Variants in FGF12 observed in about 807,000 individuals in gnomAD.
FGF12 encodes the protein fibroblast growth factor 12.
Under a neutral mutation model 23.6 loss-of-function variants are expected in FGF12, and 14 were observed. The observed-to-expected ratio is 0.59, with a 90% CI of 0.39 to 0.93. The LOEUF is 0.93. Ranked by LOEUF, FGF12 falls within the 40% of genes least tolerant of loss-of-function variation. The pLI is 0.00. For missense variants in FGF12, 175 were observed against 217.8 expected, an observed-to-expected ratio of 0.80 and a Z score of 1.24; for synonymous variants, 62 against 77.3, an observed-to-expected ratio of 0.80 and a Z score of 1.04.
At chr3:192,663,183 A>G (rs1716734506) in intron 2 of FGF12, among the ~76,000 whole-genome samples, 1 of 152,234 alleles carries the variant, frequency 6.6e-6, no homozygotes, top group Non-Finnish European at 1.5e-5. Context: ...CGTAGTTACT[A>G]ATACAGTTTT....
intron 4 of FGF12, among the ~76,000 whole-genome samples, chr3:192,329,656 C>T (rs1367590064): frequency 1.3e-5 from 2 of 152,124 alleles, no homozygotes; most frequent in Non-Finnish European, 2.9e-5. Flanking sequence ...ACCGAAATGC[C>T]TTTAAGCACT....
intron 4 of FGF12, among the ~76,000 whole-genome samples, chr3:192,284,868 G>A (rs1714357583): frequency 6.6e-6 from 1 of 152,048 alleles, no homozygotes; most frequent in South Asian, 2.1e-4. Context: ...TTAACTCATT[G>A]GCCCTGGTGT....
intron 4 of FGF12, chr3:192,238,377 A>T (rs1188179868): frequency 1.3e-5 from 2 of 152,568 alleles, no homozygotes; most frequent in Admixed American, 6.6e-5. Context: ...GCAGGGAAAG[A>T]CTATGGGCAG....
At chr3:192,620,496 G>C (rs1445778471) in intron 2 of FGF12, among the ~76,000 whole-genome samples, 2 of 152,108 alleles carry the variant, frequency 1.3e-5, no homozygotes, top group Admixed American at 1.3e-4. Context: ...AAACTATACG[G>C]TAGGAAAAAT....
intron 4 of FGF12, among the ~76,000 whole-genome samples, chr3:192,190,766 C>T (rs1414355176): frequency 3.9e-5 from 6 of 152,056 alleles, no homozygotes; most frequent in Admixed American, 1.3e-4. Flanking sequence ...TGAGCCACCG[C>T]GCCCGGCCCC....
chr3:192,365,273 A>C (rs547935204), intron 2 of FGF12, among the ~76,000 whole-genome samples: 5 of 152,194 alleles, frequency 3.3e-5, no homozygotes, highest in Admixed American at 6.5e-5. Context: ...AAAAAAAAAA[A>C]AAACTATCAA....
intron 2 of FGF12, among the ~76,000 whole-genome samples, chr3:192,444,889 G>T (rs1722305867): frequency 1.3e-5 from 2 of 152,194 alleles, no homozygotes; most frequent in Admixed American, 1.3e-4. Context: ...TCTGTACGGT[G>T]AATCCGTCCT....
chr3:192,608,161 G>T (rs574627347), intron 2 of FGF12, among the ~76,000 whole-genome samples: 1 of 152,112 alleles, frequency 6.6e-6, no homozygotes, highest in Non-Finnish European at 1.5e-5. Context: ...GGTGGTGGGG[G>T]CAGTGGGAAG....
intron 2 of FGF12, among the ~76,000 whole-genome samples, chr3:192,573,652 A>T (rs533014037): frequency 1.4e-4 from 22 of 152,102 alleles, no homozygotes; most frequent in African/African-American, 2.2e-4. Flanking sequence ...ATAAATAAAT[A>T]AATAAAAATC....
At chr3:192,482,413 C>T (rs1295543844) in intron 2 of FGF12, among the ~76,000 whole-genome samples, 3 of 152,048 alleles carry the variant, frequency 2.0e-5, no homozygotes, top group South Asian at 2.1e-4. Context: ...GCAGGAAGAT[C>T]GCTTGAGGTC....
At chr3:192,428,904 A>C (rs1576975222) in intron 2 of FGF12, among the ~76,000 whole-genome samples, 1 of 151,954 alleles carries the variant, frequency 6.6e-6, no homozygotes, top group East Asian at 1.9e-4. Context: ...ACCCACCTCC[A>C]TTGCCGTCTT....
intron 4 of FGF12, among the ~76,000 whole-genome samples, chr3:192,209,939 C>T (rs1385767338): frequency 6.6e-6 from 1 of 152,182 alleles, no homozygotes; most frequent in Non-Finnish European, 1.5e-5. Flanking sequence ...ACCTGACTCA[C>T]TTACGTGCTC....
chr3:192,200,902 T>C (rs912983660), intron 4 of FGF12, among the ~76,000 whole-genome samples: 1 of 149,144 alleles, frequency 6.7e-6, no homozygotes, highest in African/African-American at 2.6e-5. Flanking sequence ...CAGGCTTTTG[T>C]GTGAAAAAAA....
intron 2 of FGF12, among the ~76,000 whole-genome samples, chr3:192,386,326 T>C (rs889608546): frequency 6.6e-6 from 1 of 152,236 alleles, no homozygotes; most frequent in Non-Finnish European, 1.5e-5. Flanking sequence ...ACACACACTG[T>C]ATGCTAGCTG....
intron 2 of FGF12, among the ~76,000 whole-genome samples, chr3:192,567,878 G>A (rs1712415424): frequency 6.7e-6 from 1 of 148,728 alleles, no homozygotes. Flanking sequence ...TGTCGTCCAG[G>A]CTGGAGTGCA....
chr3:192,444,970 A>G (rs1029679448), intron 2 of FGF12, among the ~76,000 whole-genome samples: 3 of 152,244 alleles, frequency 2.0e-5, no homozygotes, highest in African/African-American at 7.2e-5. Context: ...ACAGAAATTT[A>G]AAGAAAGAAA....
intron 2 of FGF12, among the ~76,000 whole-genome samples, chr3:192,585,821 G>C (rs6762450): frequency 6.6e-6 from 1 of 152,066 alleles, no homozygotes; most frequent in Admixed American, 6.5e-5. Flanking sequence ...TTATGTCTAA[G>C]AGTTTAGCTT....
intron 2 of FGF12, among the ~76,000 whole-genome samples, chr3:192,455,952 G>A (rs1722669401): frequency 6.6e-6 from 1 of 152,146 alleles, no homozygotes; most frequent in African/African-American, 2.4e-5. Context: ...GAAGCAAAGT[G>A]GTTAATAAGT....
chr3:192,280,381 TAACTC>T (rs1445668520), intron 4 of FGF12, among the ~76,000 whole-genome samples: 2 of 152,052 alleles, frequency 1.3e-5, no homozygotes, highest in Non-Finnish European at 2.9e-5. Context: ...AATTAGAAAA[TAACTC>T]AATATTTTAC....
Sources: gnomAD v4.1 joint callset for allele counts (sites outside exome capture counted in the v4.1 genomes callset) on GRCh38, gnomAD v4.1.1 for gene constraint, MANE v1.5 for transcripts, NCBI Gene and HGNC (gene_info 2026-07-23, HGNC 2026-07-21) for gene names.